FUT8: variants seen among roughly 807,000 people sequenced by gnomAD.
FUT8 encodes fucosyltransferase 8, also known as alpha-(1,6)-fucosyltransferase.
Under a neutral mutation model 71.3 loss-of-function variants are expected in FUT8, and 29 were observed. The ratio of observed to expected loss-of-function variants is 0.41; its 90% CI spans 0.30 to 0.55. The LOEUF (loss-of-function observed/expected upper bound fraction) is 0.55, where lower values mean the gene tolerates loss of function less well. Among genes scored for constraint, FUT8 ranks in the 20% least tolerant of loss-of-function variants. The pLI, the probability that FUT8 is intolerant of heterozygous loss-of-function variation, is 0.34. For synonymous variants in FUT8, 254 were observed against 239.3 expected (o/e 1.06, Z -0.57); for missense variants, 544 against 702.1 (o/e 0.77, Z 2.55).
At chr14:65,381,847 G>A in the FUT8 span, among the ~76,000 whole-genome samples, 8 of 152,194 alleles carry the variant, frequency 5.3e-5, no homozygotes, top group East Asian at 1.5e-3. Context: ...TTAAAATCCA[G>A]CAACACTTTC....
chr14:65,672,361 C>T (rs1167456952), intron 7 of FUT8, among the ~76,000 whole-genome samples: 1 of 152,176 alleles, frequency 6.6e-6, no homozygotes, highest in Non-Finnish European at 1.5e-5. Context: ...ACATACTAGA[C>T]CTGATTCTTC....
intron 9 of FUT8, among the ~76,000 whole-genome samples, chr14:65,732,574 T>A (rs1049183372): frequency 6.6e-6 from 1 of 152,190 alleles, no homozygotes; most frequent in African/African-American, 2.4e-5. Context: ...ACACACACTA[T>A]CTCTAGCAAG....
rs764118187 is a variant in FUT8 at position 65,590,466 on chromosome 14, G to GA, written c.204-25507dup. ...TGGAGTCAAAGAATAGGTACCATTG[G>GA]AAAAATCCCTTAAGATGTCTCTCTG... On this transcript the variant is annotated intron_variant, in intron 3 of 10. Coordinates refer to ENST00000673929, the MANE Select transcript of FUT8 (RefSeq NM_001371533.1). Among the ~76,000 whole-genome samples the GA allele has an allele frequency of 7.9e-5, 12 of 152,182 alleles. No homozygotes were observed. In the Middle Eastern group the frequency reaches 0.01, roughly 129 times the overall value.
At chr14:65,608,931 C>CT (rs898737517) in intron 3 of FUT8, among the ~76,000 whole-genome samples, 4 of 151,556 alleles carry the variant, frequency 2.6e-5, no homozygotes, top group African/African-American at 7.3e-5. Flanking sequence ...GAGGTTTTTT[C>CT]TTTTTTTTCC....
At chr14:65,675,873 T>G (rs569742866) in intron 7 of FUT8, among the ~76,000 whole-genome samples, 1 of 150,858 alleles carries the variant, frequency 6.6e-6, no homozygotes, top group Non-Finnish European at 1.5e-5. Flanking sequence ...GATGGGCACC[T>G]GTAATCCCAG....
At chr14:65,714,682 A>C (rs1357278378) in intron 7 of FUT8, among the ~76,000 whole-genome samples, 1 of 152,068 alleles carries the variant, frequency 6.6e-6, no homozygotes, top group Admixed American at 6.6e-5. Context: ...TAGTATGGGC[A>C]TTTTAACAAT....
At chr14:65,570,584 A>G (rs1001637517) in intron 3 of FUT8, among the ~76,000 whole-genome samples, 2 of 151,984 alleles carry the variant, frequency 1.3e-5, no homozygotes, top group Non-Finnish European at 2.9e-5. Context: ...CACGATTTCC[A>G]TTAGTTCCTG....
chr14:65,649,229 A>G (rs1594858244), intron 6 of FUT8, among the ~76,000 whole-genome samples: 1 of 152,362 alleles, frequency 6.6e-6, no homozygotes, highest in East Asian at 1.9e-4. Context: ...CATTCTGCCA[A>G]TAAAACAGCC....
chr14:65,422,615 C>G (rs1285923038), intron 1 of FUT8, among the ~76,000 whole-genome samples: 1 of 152,128 alleles, frequency 6.6e-6, no homozygotes, highest in African/African-American at 2.4e-5. Flanking sequence ...CCTCCTGCCT[C>G]AGCCTCCCGA....
At chr14:65,565,101 G>A (rs1030268714) in intron 3 of FUT8, among the ~76,000 whole-genome samples, 5 of 152,080 alleles carry the variant, frequency 3.3e-5, no homozygotes, top group South Asian at 4.2e-4. Context: ...GAGAGTAAGC[G>A]TGTATAAAGA....
chr14:65,731,211 C>T (rs925712720), intron 9 of FUT8, among the ~76,000 whole-genome samples: 51 of 152,158 alleles, frequency 3.4e-4, no homozygotes, highest in African/African-American at 1.1e-3. Flanking sequence ...ATACATGTAA[C>T]ACATATTACA....
intron 2 of FUT8, among the ~76,000 whole-genome samples, chr14:65,485,233 T>C (rs2066391792): frequency 6.6e-6 from 1 of 152,214 alleles, no homozygotes; most frequent in African/African-American, 2.4e-5. Flanking sequence ...TTGGTTTCAG[T>C]CAATTGATTG....
intron 1 of FUT8, among the ~76,000 whole-genome samples, chr14:65,441,955 A>G (rs961853935): frequency 1.3e-5 from 2 of 151,498 alleles, no homozygotes; most frequent in Admixed American, 1.3e-4. Flanking sequence ...TCCTCCCACA[A>G]CCCCACGACA....
chr14:65,528,214 G>T (rs1238510484), intron 2 of FUT8, among the ~76,000 whole-genome samples: 1 of 152,182 alleles, frequency 6.6e-6, no homozygotes, highest in Non-Finnish European at 1.5e-5. Context: ...GAGCTTCCAG[G>T]CCTCTTTATT....
the FUT8 span, among the ~76,000 whole-genome samples, chr14:65,402,524 T>C: frequency 1.3e-5 from 2 of 152,100 alleles, no homozygotes; most frequent in East Asian, 3.9e-4. Context: ...AAAAATTAGC[T>C]GGGCGTGGTG....
chr14:65,395,042 A>G, the FUT8 span, among the ~76,000 whole-genome samples: 1 of 152,162 alleles, frequency 6.6e-6, no homozygotes, highest in South Asian at 2.1e-4. Context: ...ACGCCCAGCT[A>G]CAGTCAAACC....
chr14:65,575,996 A>G lies in FUT8; in HGVS notation c.203+14230A>G, dbSNP rs1029628523. Among the ~76,000 whole-genome samples, 3 of 152,234 alleles carry G rather than the reference A, an allele frequency of 2.0e-5. 1 individual carries two copies. The highest frequency in any genetic ancestry group is 7.2e-5 in the African/African-American group (3 of 41,444). ...TGGAATTAGTCAACAGTTGGCCGCA[A>G]GTAAGTATAGCTTTTATATAAATAA... On this transcript the variant is annotated intron_variant, in intron 3 of 10. Transcript: ENST00000673929.
intron 9 of FUT8, among the ~76,000 whole-genome samples, chr14:65,731,830 C>T (rs1304375037): frequency 2.0e-5 from 3 of 152,058 alleles, no homozygotes; most frequent in Admixed American, 1.3e-4. Context: ...AGAGAGGGCT[C>T]TTTTAGTTAG....
chr14:65,518,153 A>G (rs1376023438), intron 2 of FUT8, among the ~76,000 whole-genome samples: 1 of 152,210 alleles, frequency 6.6e-6, no homozygotes, highest in African/African-American at 2.4e-5. Flanking sequence ...TTTGAAGTTT[A>G]ACACTGGAAT....
Sources: gnomAD v4.1 joint callset for allele counts (sites outside exome capture counted in the v4.1 genomes callset) on GRCh38, gnomAD v4.1.1 for gene constraint, MANE v1.5 for transcripts, NCBI Gene and HGNC (gene_info 2026-07-23, HGNC 2026-07-21) for gene names.